The following ZFAT variants were observed in gnomAD, a reference collection of about 807,000 sequenced individuals.
The protein encoded by ZFAT is zinc finger protein ZFAT.
Under a neutral mutation model 117.7 loss-of-function variants are expected in ZFAT, and 64 were observed. The observed-to-expected ratio is 0.54, with a 90% CI of 0.44 to 0.67. The LOEUF (loss-of-function observed/expected upper bound fraction) is 0.67. Among genes scored for constraint, ZFAT ranks in the 30% least tolerant of loss-of-function variants. ZFAT has a pLI of 0.00. For synonymous variants in ZFAT, 679 were observed against 615.0 expected (o/e 1.10, Z -1.54); for missense variants, 1,433 against 1,584.5 (o/e 0.90, Z 1.62).
intron 2 of ZFAT, among the ~76,000 whole-genome samples, chr8:134,649,890 T>C (rs1831130481): frequency 6.6e-6 from 1 of 151,898 alleles, no homozygotes; most frequent in Admixed American, 6.6e-5. Context: ...GTGGATGTAA[T>C]GGATCACTGG....
At chr8:134,523,738 C>CT (rs1008590786) in intron 12 of ZFAT, among the ~76,000 whole-genome samples, 1 of 152,162 alleles carries the variant, frequency 6.6e-6, no homozygotes, top group Non-Finnish European at 1.5e-5. Context: ...CATTCCCTTC[C>CT]TGGGATAACT....
the ZFAT span, among the ~76,000 whole-genome samples, chr8:134,760,289 C>CAAAAAAAA: frequency 2.6e-5 from 3 of 116,604 alleles, no homozygotes; most frequent in Non-Finnish European, 5.7e-5. Flanking sequence ...AAAAAAAAAA[C>CAAAAAAAA]AAACAAAAAA....
chr8:134,488,745 G>A (rs896738943), intron 15 of ZFAT, among the ~76,000 whole-genome samples: 1 of 152,120 alleles, frequency 6.6e-6, no homozygotes, highest in Non-Finnish European at 1.5e-5. Context: ...GTCAGGGTCG[G>A]GGGAAGGTGG....
At chr8:134,629,719 G>A (rs1024394105) in intron 3 of ZFAT, among the ~76,000 whole-genome samples, 1 of 152,194 alleles carries the variant, frequency 6.6e-6, no homozygotes, top group Non-Finnish European at 1.5e-5. Context: ...TGCAATGATT[G>A]TAAGTTTCCT....
At chr8:134,655,438 A>G (rs1238843397) in intron 2 of ZFAT, among the ~76,000 whole-genome samples, 2 of 152,162 alleles carry the variant, frequency 1.3e-5, no homozygotes, top group Non-Finnish European at 2.9e-5. Context: ...GCTTGAGTCT[A>G]GGAGTTTGAG....
intron 2 of ZFAT, among the ~76,000 whole-genome samples, chr8:134,642,247 T>C (rs2131132295): frequency 6.6e-6 from 1 of 152,250 alleles, no homozygotes; most frequent in African/African-American, 2.4e-5. Flanking sequence ...CCCTGAAGCA[T>C]GGGTAAGAAA....
chr8:134,527,551 GCCCAGCCAGGGC>G (rs1270112355), intron 12 of ZFAT, among the ~76,000 whole-genome samples: 1 of 152,180 alleles, frequency 6.6e-6, no homozygotes, highest in Non-Finnish European at 1.5e-5. Flanking sequence ...TCTGTCCTAG[GCCCAGCCAGGGC>G]CCCAGTTCAG....
chr8:134,481,217 C>G (rs1177997454), intron 15 of ZFAT, among the ~76,000 whole-genome samples: 1 of 152,096 alleles, frequency 6.6e-6, no homozygotes, highest in Non-Finnish European at 1.5e-5. Flanking sequence ...TGACAGAAGA[C>G]TGGGAAAGGG....
chr8:134,608,860 T>G lies in ZFAT; in HGVS notation c.654A>C (p.Pro218=). Residue 218 remains proline, a synonymous_variant, in exon 5 of 16, where the codon CCA becomes CCC. Coordinates refer to ENST00000377838, the MANE Select transcript of ZFAT (RefSeq NM_020863.4). The part of the protein sequence containing the change: ...EAIPGATKIV[P]VEAGPPETGA... The stretch of plus-strand genomic sequence containing the variant: ...CTGTTTCAGGGGGCCCAGCCTCCAC[T>G]GGCACAATCTTGGTAGCACCTGAGA... 1 of 1,607,470 alleles carries G rather than the reference T, an allele frequency of 6.2e-7. No homozygotes were observed. Among genetic ancestry groups the G allele is most frequent in the South Asian group, 1.1e-5 (1 of 89,658 alleles).
intron 1 of ZFAT, among the ~76,000 whole-genome samples, chr8:134,670,317 T>C (rs866896960): frequency 1.3e-5 from 2 of 152,308 alleles, no homozygotes; most frequent in Middle Eastern, 3.4e-3. Flanking sequence ...CAGCACCACA[T>C]CACACTTAAT....
chr8:134,708,960 A>G (rs1586978324), intron 1 of ZFAT, among the ~76,000 whole-genome samples: 1 of 150,568 alleles, frequency 6.6e-6, no homozygotes, highest in Admixed American at 6.6e-5. Flanking sequence ...CAATAAATTA[A>G]TTTAATTTAA....
At chr8:134,810,804 A>G in the ZFAT span, among the ~76,000 whole-genome samples, 6 of 152,222 alleles carry the variant, frequency 3.9e-5, no homozygotes, top group Non-Finnish European at 7.3e-5. Flanking sequence ...GCATTTACAG[A>G]TTGCAGCCAC....
the ZFAT span, among the ~76,000 whole-genome samples, chr8:134,809,033 G>A: frequency 2.0e-5 from 3 of 152,288 alleles, no homozygotes; most frequent in South Asian, 6.2e-4. Context: ...TGTGCTGTAT[G>A]AGCACAGTTC....
intron 15 of ZFAT, among the ~76,000 whole-genome samples, chr8:134,488,994 A>AG (rs987448464): frequency 4.7e-5 from 2 of 42,132 alleles, no homozygotes; most frequent in African/African-American, 2.0e-4. Flanking sequence ...GCACAGAACA[A>AG]GTGGGGGGTG....
chr8:134,738,114 C>T, the ZFAT span, among the ~76,000 whole-genome samples: 1 of 152,104 alleles, frequency 6.6e-6, no homozygotes, highest in African/African-American at 2.4e-5. Flanking sequence ...TAGCTCAGTT[C>T]CTGTAGTCTA....
chr8:134,637,598 G>A lies in ZFAT; in HGVS notation c.311C>T (p.Ala104Val). The A allele has an allele frequency of 1.9e-6, 3 of 1,614,228 alleles. No homozygotes were observed. Among genetic ancestry groups the A allele is most frequent in the South Asian group, 1.1e-5 (1 of 91,082 alleles). Reference protein sequence around the residue: ...IVSPTEDSPLAPEEGNSLPPS... With the variant: ...IVSPTEDSPLVPEEGNSLPPS... ...AGGCAGGCTGTTCCCTTCCTCCGGA[G>A]CCAGCGGGCTGTCCTCAGTCGGACT... is the stretch of plus-strand genomic sequence containing the variant. The change falls in exon 3 of 16, where the codon GCT becomes GTT. Residue 104 changes from alanine (A) to valine (V), a missense_variant. Coordinates refer to ENST00000377838, the MANE Select transcript of ZFAT (RefSeq NM_020863.4).
chr8:134,671,315 G>A (rs541293261), intron 1 of ZFAT, among the ~76,000 whole-genome samples: 119 of 152,236 alleles, frequency 7.8e-4, no homozygotes, highest in Admixed American at 2.2e-3. Flanking sequence ...GAGAATTTTA[G>A]ACCAATATCC....
chr8:134,655,616 C>T (rs992009374), intron 2 of ZFAT, among the ~76,000 whole-genome samples: 12 of 150,032 alleles, frequency 8.0e-5, no homozygotes, highest in Admixed American at 7.3e-4. Context: ...CCACTGCATT[C>T]GAGCCTGGGC....
chr8:134,741,949 C>T, the ZFAT span, among the ~76,000 whole-genome samples: 1 of 152,018 alleles, frequency 6.6e-6, no homozygotes, highest in Non-Finnish European at 1.5e-5. Context: ...TTCCCCTCCT[C>T]AACACCTCTT....
Sources: gnomAD v4.1 joint callset for allele counts (sites outside exome capture counted in the v4.1 genomes callset) on GRCh38, gnomAD v4.1.1 for gene constraint, MANE v1.5 for transcripts, NCBI Gene and HGNC (gene_info 2026-07-23, HGNC 2026-07-21) for gene names.